KCNG1: variants seen among roughly 807,000 people sequenced by gnomAD.
KCNG1 encodes the protein potassium voltage-gated channel modifier subfamily G member 1.
Under a neutral mutation model 32.4 loss-of-function variants are expected in KCNG1, and 17 were observed. The observed-to-expected ratio is 0.52, with a 90% CI of 0.36 to 0.79. KCNG1 has a LOEUF of 0.79. KCNG1 is among the 30% of genes least tolerant of loss of function. The pLI, the probability that KCNG1 is intolerant of heterozygous loss-of-function variation, is 0.00. For missense variants in KCNG1, 441 were observed against 735.2 expected (o/e 0.60, Z 4.63); for synonymous variants, 358 against 339.9 (o/e 1.05, Z -0.59).
At position 51,009,957 on chromosome 20, in the gene KCNG1, G is replaced by A. The variant is rs774228181; in HGVS notation, c.382C>T (p.Leu128=). Reference sequence around the variant, plus strand: ...AGCTTGCCCGCGCGCAGGAAGGTCAGGATAGTGCCGAAGGCCCCCGGGTTG... The same window carrying A: ...AGCTTGCCCGCGCGCAGGAAGGTCAAGATAGTGCCGAAGGCCCCCGGGTTG... The part of the protein sequence containing the change: ...DRNPGAFGTI[L]TFLRAGKLRL... The change falls in exon 2 of 3, where the codon CTG becomes TTG. Residue 128 remains leucine, a synonymous_variant. Transcript: ENST00000371571. 3.1e-6 allele frequency: 5 copies of A among 1,613,814 alleles called. No individual in the cohort carries two copies. The highest frequency in any genetic ancestry group is 4.2e-6 in the Non-Finnish European group (5 of 1,179,982).
chr20:51,008,240 C>A (rs1987913120), intron 2 of KCNG1, among the ~76,000 whole-genome samples: 1 of 152,166 alleles, frequency 6.6e-6, no homozygotes, highest in South Asian at 2.1e-4. Flanking sequence ...GGACTTGGAT[C>A]TCCCCAGGAG....
In KCNG1 at chr20:51,003,786, G is replaced by A. The variant is rs1199578516; in HGVS notation, c.*253C>T. ...CTTATTGAGGGAAACACACATAGGG[G>A]CTGGGGTGGGCGGGGCTGGGCTGAT... On this transcript the variant is annotated 3_prime_UTR_variant, in exon 3 of 3. Transcript: ENST00000371571. 1.2e-5 allele frequency: 6 copies of A among 483,762 alleles called. No homozygotes were observed. The highest frequency in any genetic ancestry group is 2.2e-5 in the Non-Finnish European group (6 of 271,352). The allele number at this position is 483,762 out of a possible 1,614,324, so 30.0% of individuals were successfully genotyped here.
At chr20:51,009,324 G>A (rs1469409754) in intron 2 of KCNG1, among the ~76,000 whole-genome samples, 1 of 152,216 alleles carries the variant, frequency 6.6e-6, no homozygotes, top group Non-Finnish European at 1.5e-5. Flanking sequence ...TCTAAACACT[G>A]GCAAGGGGGA....
At chr20:51,012,774 C>A (rs1988141601) in intron 1 of KCNG1, among the ~76,000 whole-genome samples, 1 of 152,194 alleles carries the variant, frequency 6.6e-6, no homozygotes, top group African/African-American at 2.4e-5. Flanking sequence ...CAACACTTGG[C>A]CCAAACGCCA....
At position 51,008,250 on chromosome 20, in the gene KCNG1, G is replaced by A. The variant is rs535001402; in HGVS notation, c.774+1315C>T. ...CCTGTGGACTTGGATCTCCCCAGGA[G>A]GTGCCATGTAGGACCGCAGGCTGGT... On this transcript the variant is annotated intron_variant, in intron 2 of 2. Transcript: ENST00000371571. Among the ~76,000 whole-genome samples the A allele has an allele frequency of 2.0e-5, 3 of 152,314 alleles. No individual in the cohort carries two copies. The South Asian group carries it at 6.2e-4, about 32-fold the overall frequency.
chr20:51,018,079 G>C (rs1394950352), intron 1 of KCNG1, among the ~76,000 whole-genome samples: 2 of 152,196 alleles, frequency 1.3e-5, no homozygotes, highest in South Asian at 4.1e-4. Context: ...GTTCTGAGTG[G>C]CAGTTCTCAC....
chr20:51,009,813 ACTC>A lies in KCNG1; in HGVS notation c.523_525del (p.Glu175del). Reference sequence around the variant, plus strand: ...TCCTCCCGCTCCACCATCTCCGCGAACTCCTCAATCTTCTGCAGGTAGCGGCGC... The same window carrying A: ...TCCTCCCGCTCCACCATCTCCGCGAACTCAATCTTCTGCAGGTAGCGGCGC... On this transcript the variant is annotated inframe_deletion, in exon 2 of 3. Transcript: ENST00000371571. 6.2e-7 allele frequency: 1 copy of A among 1,612,956 alleles called. No homozygotes were observed. The highest frequency in any genetic ancestry group is 8.5e-7 in the Non-Finnish European group (1 of 1,179,874).
intron 1 of KCNG1, among the ~76,000 whole-genome samples, chr20:51,014,298 G>C (rs1353258186): frequency 1.3e-5 from 2 of 152,154 alleles, no homozygotes; most frequent in African/African-American, 4.8e-5. Context: ...AGCACCTCTA[G>C]ACCCTACACT....
At position 51,004,142 on chromosome 20, in the gene KCNG1, C is replaced by G; in HGVS notation, c.1439G>C (p.Arg480Pro). Residue 480 changes from arginine (R) to proline (P), a missense_variant, in exon 3 of 3, where the codon CGG (arginine) becomes CCG (proline). Coordinates refer to ENST00000371571, the MANE Select transcript of KCNG1 (RefSeq NM_002237.4). This position sits in a 1 kb window ranked among gnomAD's most constrained non-coding sequence, Gnocchi z 4.3. ...GGTTTTGATGAGGAACTGCGCCCTC[C>G]GGAACATCACCCTCTCTTGCTCCTG... The part of the protein sequence containing the change: ...LKQEQERVMF[R>P]RAQFLIKTKS... The G allele has an allele frequency of 6.2e-7, 1 of 1,614,204 alleles. No homozygotes were observed. Among genetic ancestry groups the G allele is most frequent in the Non-Finnish European group, 8.5e-7 (1 of 1,180,032 alleles).
At chr20:51,012,702 G>A (rs1340788610) in intron 1 of KCNG1, among the ~76,000 whole-genome samples, 1 of 152,214 alleles carries the variant, frequency 6.6e-6, no homozygotes, top group African/African-American at 2.4e-5. Flanking sequence ...GTTTTTGAAA[G>A]TTGAGAAATT....
chr20:51,019,006 C>T (rs1431317557), intron 1 of KCNG1, among the ~76,000 whole-genome samples: 1 of 152,082 alleles, frequency 6.6e-6, no homozygotes, highest in Non-Finnish European at 1.5e-5. Context: ...GCTGGGGAAA[C>T]ATATTTATCA....
At chr20:51,019,035 G>C (rs929317004) in intron 1 of KCNG1, among the ~76,000 whole-genome samples, 1 of 151,826 alleles carries the variant, frequency 6.6e-6, no homozygotes, top group Admixed American at 6.5e-5. Flanking sequence ...ATTTGCAAGT[G>C]AGCAGAGTTA....
In KCNG1 at chr20:51,005,026, C is replaced by T. The variant is rs944538877; in HGVS notation, c.775-220G>A. On this transcript the variant is annotated intron_variant, in intron 2 of 2. Transcript: ENST00000371571. The surrounding 1 kb of genome is among the most constrained non-coding windows in gnomAD (Gnocchi z 4.0). ...CCTCATCTCTCTCTCCAGCCCCCAC[C>T]TCAGCCCTGAACTCCAGACCCCCAA... is the stretch of plus-strand genomic sequence containing the variant. 2.2e-6 allele frequency: 1 copy of T among 456,256 alleles called. No homozygotes were observed. The highest frequency in any genetic ancestry group is 3.8e-6 in the Non-Finnish European group (1 of 262,402). 28.3% of individuals were successfully genotyped at this position (456,256 alleles called of 1,614,324 possible). A position where few individuals can be genotyped will look rare whatever the true frequency, so the allele number is the denominator to read the frequency against.
At position 51,009,585 on chromosome 20, in the gene KCNG1, G is replaced by T; in HGVS notation, c.754C>A (p.Leu252Met). ...VNLSVSTLPS[L>M]REEEEQGHCS... ...CTTACCTGCTCCTCCTCCTCCCTCA[G>T]GCTGGGCAAGGTGCTGACGGAGAGG... Residue 252 changes from leucine to methionine, a missense_variant, in exon 2 of 3, where the codon CTG (leucine) becomes ATG (methionine). This residue lies in a region of KCNG1 where 169 missense variants were observed against 297.7 expected (regional missense o/e 0.57). Transcript: ENST00000371571. 1 of 1,607,172 alleles carries T rather than the reference G, an allele frequency of 6.2e-7. No individual in the cohort carries two copies. Among genetic ancestry groups the T allele is most frequent in the Non-Finnish European group, 8.5e-7 (1 of 1,177,810 alleles).
intron 1 of KCNG1, among the ~76,000 whole-genome samples, chr20:51,021,458 T>A (rs1244081837): frequency 6.6e-6 from 1 of 152,160 alleles, no homozygotes; most frequent in African/African-American, 2.4e-5. Context: ...CAAACTTTTC[T>A]TGGAGATGTG....
chr20:51,011,461 T>C (rs1042345394), intron 1 of KCNG1, among the ~76,000 whole-genome samples: 4 of 152,186 alleles, frequency 2.6e-5, no homozygotes, highest in Non-Finnish European at 5.9e-5. Context: ...TTGCTGGTCA[T>C]GACTGGGGTT....
Position 51,004,575 on chromosome 20 carries a change from C to A in KCNG1, c.1006G>T (p.Asp336Tyr). 1 of 1,583,368 alleles carries A rather than the reference C, an allele frequency of 6.3e-7. No homozygotes were observed. Among genetic ancestry groups the A allele is most frequent in the Non-Finnish European group, 8.6e-7 (1 of 1,164,586 alleles). ...RKPGAGNSYL[D>Y]KVGLVLRVLR... ...ACGCGCAGCACCAGCCCCACCTTGTCCAGGTAGCTGTTGCCCGCGCCGGGC... is the reference window on the plus strand; with the variant it reads ...ACGCGCAGCACCAGCCCCACCTTGTACAGGTAGCTGTTGCCCGCGCCGGGC... Residue 336 changes from aspartate to tyrosine, a missense_variant, in exon 3 of 3, where the codon GAC becomes TAC. Asp to Tyr is a radical substitution (Grantham distance 160, BLOSUM62 -3). This residue lies in a region of KCNG1 where 169 missense variants were observed against 297.7 expected (regional missense o/e 0.57). Transcript: ENST00000371571. This position sits in a 1 kb window ranked among gnomAD's most constrained non-coding sequence, Gnocchi z 4.3.
intron 1 of KCNG1, among the ~76,000 whole-genome samples, chr20:51,020,125 C>G (rs1054855472): frequency 1.3e-5 from 2 of 152,198 alleles, no homozygotes; most frequent in Admixed American, 6.5e-5. Context: ...TCCCTCCCCC[C>G]TATAAAAAAG....
intron 2 of KCNG1, among the ~76,000 whole-genome samples, chr20:51,009,009 A>C (rs1218653245): frequency 6.6e-6 from 1 of 152,216 alleles, no homozygotes; most frequent in Non-Finnish European, 1.5e-5. Flanking sequence ...ACCCCGTGTC[A>C]GGCCCTGGAG....
Sources: gnomAD v4.1 joint callset for allele counts (sites outside exome capture counted in the v4.1 genomes callset) on GRCh38, gnomAD v4.1.1 for gene constraint, gnomAD v4.1.1 regional missense constraint, Gnocchi (gnomAD v3.1) non-coding constraint, MANE v1.5 for transcripts, NCBI Gene and HGNC (gene_info 2026-07-23, HGNC 2026-07-21) for gene names.